Variants in FAF1 observed in about 807,000 individuals in gnomAD.
FAF1 encodes Fas associated factor 1.
A neutral mutation model predicts 92.5 loss-of-function variants in FAF1; 25 were observed. The observed-to-expected ratio is 0.27, with a 90% confidence interval of 0.20 to 0.38. The LOEUF is 0.38. Ranked by LOEUF, FAF1 falls within the 10% of genes least tolerant of loss-of-function variation. The probability of loss-of-function intolerance (pLI) is 1.00; values close to 1 mark genes in which losing one functional copy is unlikely to be tolerated. For synonymous variants in FAF1, 234 were observed against 273.2 expected (o/e 0.86, Z 1.42); for missense variants, 636 against 793.3 (o/e 0.80, Z 2.38).
At chr1:50,727,879 C>T (rs915746919) in intron 6 of FAF1, among the ~76,000 whole-genome samples, 5 of 152,158 alleles carry the variant, frequency 3.3e-5, no homozygotes, top group Admixed American at 6.5e-5. Flanking sequence ...AGTGGTTTGC[C>T]AGGAGCTCTC....
intron 15 of FAF1, among the ~76,000 whole-genome samples, chr1:50,518,443 C>CTT (rs747169544): frequency 2.8e-5 from 4 of 140,974 alleles, no homozygotes; most frequent in Admixed American, 7.1e-5. Flanking sequence ...AAGTTTCTTT[C>CTT]TTTTTTTTTT....
rs1445721905 is a variant in FAF1 at position 50,738,920 on chromosome 1, T to C, written c.494A>G (p.Asn165Ser). Reference protein sequence around the residue: ...VLKSLHLPKNNSLYVLTPDLP... With the variant: ...VLKSLHLPKNSSLYVLTPDLP... ...ATCTGGTGTAAGGACATAAAGACTG[T>C]TGTTTTTTGGCAAGTGTAGAGATTT... The change falls in exon 6 of 19, where the codon AAC becomes AGC. Residue 165 changes from asparagine to serine, a missense_variant. Physicochemically the swap from Asn to Ser is conservative, Grantham distance 46. Around this residue, in one of 2 missense-constraint regions of FAF1, gnomAD observed 317 missense variants for 342.4 expected, o/e 0.93. Coordinates refer to ENST00000396153, the MANE Select transcript of FAF1 (RefSeq NM_007051.3). 6 of 1,609,220 alleles carry C rather than the reference T, an allele frequency of 3.7e-6. No homozygotes were observed. The highest frequency in any genetic ancestry group is 1.7e-5 in the Admixed American group (1 of 59,536).
intron 1 of FAF1, among the ~76,000 whole-genome samples, chr1:50,866,643 T>A (rs1644483972): frequency 6.6e-6 from 1 of 151,556 alleles, no homozygotes; most frequent in South Asian, 2.1e-4. Context: ...ACCAAGGAGA[T>A]GAAAGACCTC....
chr1:50,673,838 C>T (rs1051659669), intron 7 of FAF1, among the ~76,000 whole-genome samples: 7 of 152,024 alleles, frequency 4.6e-5, no homozygotes, highest in Non-Finnish European at 8.8e-5. Flanking sequence ...TTCTCTAATA[C>T]CATCATCAAG....
chr1:50,898,855 G>A (rs950896696), intron 1 of FAF1, among the ~76,000 whole-genome samples: 1 of 151,998 alleles, frequency 6.6e-6, no homozygotes, highest in East Asian at 1.9e-4. Flanking sequence ...CCTGTGTTTG[G>A]GGTTCAATGA....
chr1:50,801,351 C>A (rs1447508670), intron 3 of FAF1, among the ~76,000 whole-genome samples: 4 of 152,162 alleles, frequency 2.6e-5, no homozygotes, highest in Admixed American at 2.6e-4. Context: ...AATTCAGTTC[C>A]TTTCATCTTA....
intron 2 of FAF1, among the ~76,000 whole-genome samples, chr1:50,828,859 G>A (rs142938304): frequency 0.012 from 1,763 of 152,022 alleles, 28 homozygotes; most frequent in African/African-American, 0.041. Context: ...TCATTAAAAG[G>A]GCAAAAACAC....
chr1:50,529,320 T>G (rs565263027), intron 15 of FAF1, among the ~76,000 whole-genome samples: 1 of 152,162 alleles, frequency 6.6e-6, no homozygotes, highest in African/African-American at 2.4e-5. Context: ...ATGAATGACA[T>G]GAAGTTCAGA....
At chr1:50,833,786 C>T (rs1468903560) in intron 2 of FAF1, among the ~76,000 whole-genome samples, 7 of 152,140 alleles carry the variant, frequency 4.6e-5, no homozygotes, top group Non-Finnish European at 5.9e-5. Context: ...TGTGCCAAAA[C>T]TCAGGGACAA....
chr1:50,473,025 C>T (rs1646595929), intron 18 of FAF1, among the ~76,000 whole-genome samples: 1 of 152,140 alleles, frequency 6.6e-6, no homozygotes, highest in African/African-American at 2.4e-5. Flanking sequence ...TCATTTGGAC[C>T]AGCCTCTGTT....
Position 50,524,882 on chromosome 1 carries a change from T to C in FAF1, c.1494+10487A>G, listed in dbSNP as rs1312488307. ...TGGCTATTCAGGCTCTTTTTTTTGGTCCCATATGAATTTTTTTTTTTGAGA... is the reference window on the plus strand; with the variant it reads ...TGGCTATTCAGGCTCTTTTTTTTGGCCCCATATGAATTTTTTTTTTTGAGA... On this transcript the variant is annotated intron_variant, in intron 15 of 18. Transcript: ENST00000396153. Among the ~76,000 whole-genome samples, 3 of 151,914 alleles carry C rather than the reference T, an allele frequency of 2.0e-5. No individual in the cohort carries two copies. In the East Asian group the frequency reaches 5.8e-4, roughly 29 times the overall value.
chr1:50,656,451 A>C (rs574404652), intron 7 of FAF1, among the ~76,000 whole-genome samples: 1 of 152,334 alleles, frequency 6.6e-6, no homozygotes, highest in East Asian at 1.9e-4. Context: ...CCTTCCTGAA[A>C]ATTAAATACA....
chr1:50,931,091 C>T (rs1645043766), intron 1 of FAF1, among the ~76,000 whole-genome samples: 1 of 152,098 alleles, frequency 6.6e-6, no homozygotes, highest in African/African-American at 2.4e-5. Flanking sequence ...AAATATAGAT[C>T]AATATTTAAT....
intron 18 of FAF1, among the ~76,000 whole-genome samples, chr1:50,458,826 G>T (rs186698619): frequency 1.3e-5 from 2 of 152,136 alleles, no homozygotes; most frequent in African/African-American, 4.8e-5. Flanking sequence ...TATGAATTTC[G>T]TACTATCATT....
At chr1:50,734,752 A>G (rs1253244439) in intron 6 of FAF1, among the ~76,000 whole-genome samples, 1 of 152,058 alleles carries the variant, frequency 6.6e-6, no homozygotes, top group Non-Finnish European at 1.5e-5. Flanking sequence ...AAAAAAAGAA[A>G]AAGAAAAACA....
intron 8 of FAF1, among the ~76,000 whole-genome samples, chr1:50,619,855 T>C (rs1235921222): frequency 2.0e-5 from 3 of 152,122 alleles, no homozygotes; most frequent in Non-Finnish European, 4.4e-5. Context: ...TTGCTTATTC[T>C]CTCTCCTTCT....
intron 13 of FAF1, 106 bp from the exon 14 acceptor site, chr1:50,539,834 G>A: frequency 1.3e-6 from 1 of 741,586 alleles, no homozygotes; most frequent in Non-Finnish European, 2.2e-6. Flanking sequence ...AAATTAGACA[G>A]CCTGCCTGAT....
chr1:50,687,753 A>G (rs1656733839), intron 7 of FAF1, among the ~76,000 whole-genome samples: 1 of 151,916 alleles, frequency 6.6e-6, no homozygotes, highest in African/African-American at 2.4e-5. Context: ...AGAAAAAAAA[A>G]AAAGGAAATG....
chr1:50,718,967 AAAAC>A (rs1159271672), intron 6 of FAF1, among the ~76,000 whole-genome samples: 2 of 152,240 alleles, frequency 1.3e-5, no homozygotes, highest in South Asian at 2.1e-4. Flanking sequence ...TATTTACACT[AAAAC>A]AAAATAAGAA....
Sources: allele counts gnomAD v4.1 joint callset (sites outside exome capture counted in the v4.1 genomes callset), GRCh38; gene constraint gnomAD v4.1.1; regional missense constraint gnomAD v4.1.1; transcripts MANE v1.5; gene names NCBI Gene and HGNC (gene_info 2026-07-23, HGNC 2026-07-21).